The following CNTNAP5 variants were observed in gnomAD, a reference collection of about 807,000 sequenced individuals.
The protein encoded by CNTNAP5 is contactin associated protein family member 5.
In CNTNAP5, 72 loss-of-function variants were observed where a neutral mutation model predicts 150.2. The observed-to-expected ratio is 0.48, with a 90% CI of 0.40 to 0.58. The LOEUF is 0.58. CNTNAP5 is among the 20% of genes least tolerant of loss of function. The probability of loss-of-function intolerance (pLI) is 0.00; values close to 1 mark genes in which losing one functional copy is unlikely to be tolerated. For missense variants in CNTNAP5, 1,636 were observed against 1,626.2 expected (o/e 1.01, Z -0.10); for synonymous variants, 672 against 619.8 (o/e 1.08, Z -1.25).
chr2:124,348,842 C>T (rs943534075), intron 3 of CNTNAP5, among the ~76,000 whole-genome samples: 1 of 152,008 alleles, frequency 6.6e-6, no homozygotes, highest in Admixed American at 6.6e-5. Context: ...TACATGAGTG[C>T]ATATGTGTGT....
At chr2:124,501,853 C>T (rs917865823) in intron 7 of CNTNAP5, among the ~76,000 whole-genome samples, 1 of 152,102 alleles carries the variant, frequency 6.6e-6, no homozygotes, top group African/African-American at 2.4e-5. Flanking sequence ...AAGGAATTTC[C>T]CATCCACCCA....
chr2:124,268,556 G>A (rs1292865490), intron 3 of CNTNAP5, among the ~76,000 whole-genome samples: 1 of 152,186 alleles, frequency 6.6e-6, no homozygotes, highest in Admixed American at 6.5e-5. Context: ...TATAAATGAT[G>A]CTACCAAACT....
intron 1 of CNTNAP5, among the ~76,000 whole-genome samples, chr2:124,076,214 G>T (rs922741253): frequency 2.0e-5 from 3 of 151,982 alleles, no homozygotes; most frequent in African/African-American, 7.2e-5. Context: ...TCTTTGTCTC[G>T]ACTCGAACCC....
At chr2:124,750,184 C>T (rs894673975) in intron 14 of CNTNAP5, among the ~76,000 whole-genome samples, 2 of 152,160 alleles carry the variant, frequency 1.3e-5, no homozygotes, top group Non-Finnish European at 2.9e-5. Context: ...CAAGAGACCT[C>T]GCTCAGGGCA....
chr2:124,145,465 T>TA (rs1400777932), intron 1 of CNTNAP5, among the ~76,000 whole-genome samples: 1 of 17,610 alleles, frequency 5.7e-5, no homozygotes, highest in Non-Finnish European at 1.1e-4. Flanking sequence ...TATGCAGCCA[T>TA]AAAAAATGAT....
chr2:124,719,169 G>T (rs779557505), intron 13 of CNTNAP5, among the ~76,000 whole-genome samples: 11 of 152,000 alleles, frequency 7.2e-5, no homozygotes, highest in Non-Finnish European at 1.3e-4. Context: ...CAACCCTCTT[G>T]GGTTTCACTC....
At chr2:124,354,116 A>T (rs62171017) in intron 3 of CNTNAP5, among the ~76,000 whole-genome samples, 30,748 of 152,142 alleles carry the variant, frequency 0.2, 3,504 homozygotes, top group African/African-American at 0.32. Flanking sequence ...GTTGTTGAGA[A>T]TTAAAGAACA....
chr2:124,153,880 TG>T (rs1288863247), intron 1 of CNTNAP5, among the ~76,000 whole-genome samples: 1 of 152,022 alleles, frequency 6.6e-6, no homozygotes, highest in African/African-American at 2.4e-5. Context: ...CCAAAAGTGC[TG>T]GGATTAGAGG....
intron 5 of CNTNAP5, among the ~76,000 whole-genome samples, chr2:124,446,203 T>C (rs768652130): frequency 2.0e-5 from 3 of 152,312 alleles, no homozygotes; most frequent in Non-Finnish European, 1.5e-5. Flanking sequence ...CCAATGGAGA[T>C]GATAATTTTC....
At chr2:124,359,428 T>C (rs901805623) in intron 3 of CNTNAP5, among the ~76,000 whole-genome samples, 1 of 152,064 alleles carries the variant, frequency 6.6e-6, no homozygotes, top group African/African-American at 2.4e-5. Context: ...TCCTGCTTTC[T>C]CTTGTGGGCA....
intron 7 of CNTNAP5, 56 bp from the exon 8 acceptor site, chr2:124,504,236 G>C (rs753595658): frequency 1.5e-5 from 23 of 1,559,144 alleles, no homozygotes; most frequent in South Asian, 3.5e-5. Flanking sequence ...TATATCAGCT[G>C]TCAGATTGCG....
At chr2:124,840,677 T>C (rs536813621) in intron 19 of CNTNAP5, among the ~76,000 whole-genome samples, 27 of 152,250 alleles carry the variant, frequency 1.8e-4, no homozygotes, top group African/African-American at 5.8e-4. Flanking sequence ...TCTCTGCTTA[T>C]GTCTTGACAA....
chr2:124,901,296 A>C (rs1678408894), intron 21 of CNTNAP5, among the ~76,000 whole-genome samples: 1 of 151,594 alleles, frequency 6.6e-6, no homozygotes, highest in African/African-American at 2.4e-5. Flanking sequence ...GAGGAAGTAA[A>C]GTTGCAAAAG....
At chr2:124,148,544 T>TATATATAACA (rs1553442101) in intron 1 of CNTNAP5, among the ~76,000 whole-genome samples, 1 of 146,478 alleles carries the variant, frequency 6.8e-6, no homozygotes, top group African/African-American at 2.5e-5. Flanking sequence ...TATATACATA[T>TATATATAACA]TATATATAAT....
In CNTNAP5 at chr2:124,918,214, G is replaced by A. The variant is rs534833875; in HGVS notation, c.*3926G>A. ...CTTCCCTTTTCTCAGTTCTTCCACA[G>A]CCATGTGTTTATGACCTATTGCATG... On this transcript the variant is annotated 3_prime_UTR_variant, in exon 24 of 24. Coordinates refer to ENST00000682447, the MANE Select transcript of CNTNAP5 (RefSeq NM_001367498.1). Among the ~76,000 whole-genome samples the A allele has an allele frequency of 2.6e-5, 4 of 152,080 alleles. No individual in the cohort carries two copies. The South Asian group carries it at 6.2e-4, about 24-fold the overall frequency.
At chr2:124,778,870 G>T (rs909574764) in intron 17 of CNTNAP5, among the ~76,000 whole-genome samples, 4 of 152,002 alleles carry the variant, frequency 2.6e-5, no homozygotes, top group African/African-American at 9.7e-5. Context: ...AGTTTCTTCT[G>T]AACCTGGAAG....
At chr2:124,041,557 T>C (rs1045158789) in intron 1 of CNTNAP5, among the ~76,000 whole-genome samples, 2 of 152,180 alleles carry the variant, frequency 1.3e-5, no homozygotes, top group African/African-American at 2.4e-5. Context: ...CTTCTTTTTT[T>C]AAAAAGGAAT....
chr2:124,609,963 C>T (rs1677344908), intron 12 of CNTNAP5, 43 bp downstream of exon 12: 1 of 1,567,610 alleles, frequency 6.4e-7, no homozygotes, highest in African/African-American at 1.4e-5. Context: ...CACCCCACTT[C>T]ATGGAAGGAA....
At position 124,551,453 on chromosome 2, in the gene CNTNAP5, G is replaced by T. The variant is rs192139631; in HGVS notation, c.1650-11764G>T. On this transcript the variant is annotated intron_variant, in intron 10 of 23. Coordinates refer to ENST00000682447, the MANE Select transcript of CNTNAP5 (RefSeq NM_001367498.1). ...ATAGGTTTCAAAAGCTTTCAGAAAAGCTATCTGACCAAAACGAGATCAATG... is the reference window on the plus strand; with the variant it reads ...ATAGGTTTCAAAAGCTTTCAGAAAATCTATCTGACCAAAACGAGATCAATG... 2.0e-4 allele frequency among the ~76,000 whole-genome samples: 30 copies of T among 152,272 alleles called. No homozygotes were observed. The East Asian group carries it at 3.1e-3, about 16-fold the overall frequency.
Sources: allele counts gnomAD v4.1 joint callset (sites outside exome capture counted in the v4.1 genomes callset), GRCh38; gene constraint gnomAD v4.1.1; transcripts MANE v1.5; gene names NCBI Gene and HGNC (gene_info 2026-07-23, HGNC 2026-07-21).